PRELID2: variants seen among roughly 807,000 people sequenced by gnomAD.
PRELID2 encodes PRELI domain-containing protein 2.
Under a neutral mutation model 28.4 loss-of-function variants are expected in PRELID2, and 25 were observed. The ratio of observed to expected loss-of-function variants is 0.88; its 90% CI spans 0.64 to 1.23. The LOEUF (loss-of-function observed/expected upper bound fraction) is 1.23. PRELID2 is among the 50% of genes most tolerant of loss of function. The pLI is 0.00. For missense variants in PRELID2, 201 were observed against 214.4 expected, an observed-to-expected ratio of 0.94 and a Z score of 0.39; for synonymous variants, 76 against 71.6, an observed-to-expected ratio of 1.06 and a Z score of -0.31.
chr5:145,342,869 A>C, the PRELID2 span, among the ~76,000 whole-genome samples: 1 of 149,772 alleles, frequency 6.7e-6, no homozygotes, highest in Non-Finnish European at 1.5e-5. Context: ...AGCTATATTT[A>C]TATCAGATAA....
At chr5:145,306,907 C>T in the PRELID2 span, among the ~76,000 whole-genome samples, 1 of 152,094 alleles carries the variant, frequency 6.6e-6, no homozygotes, top group African/African-American at 2.4e-5. Flanking sequence ...TGATTCATCT[C>T]TTTATGTCTT....
intron 1 of PRELID2, among the ~76,000 whole-genome samples, chr5:145,477,274 C>T (rs1166054265): frequency 6.6e-6 from 1 of 152,192 alleles, no homozygotes; most frequent in Non-Finnish European, 1.5e-5. Flanking sequence ...CTCTGCTTCT[C>T]CCATCTCACT....
intron 1 of PRELID2, among the ~76,000 whole-genome samples, chr5:145,586,558 A>C (rs1299362968): frequency 2.0e-5 from 3 of 152,144 alleles, no homozygotes; most frequent in Non-Finnish European, 4.4e-5. Context: ...CTAACTTATT[A>C]GCTGTCAGCT....
intron 1 of PRELID2, among the ~76,000 whole-genome samples, chr5:145,748,902 T>A (rs982194411): frequency 6.6e-6 from 1 of 152,104 alleles, no homozygotes; most frequent in East Asian, 1.9e-4. Flanking sequence ...TAAATGGTGC[T>A]AGGAAAACTG....
chr5:145,368,084 A>G, the PRELID2 span, among the ~76,000 whole-genome samples: 7,317 of 151,932 alleles, frequency 0.048, 611 homozygotes, highest in African/African-American at 0.17. Flanking sequence ...AAATTTTATT[A>G]TTTGGTTATT....
the PRELID2 span, among the ~76,000 whole-genome samples, chr5:145,337,726 T>C: frequency 1.4e-4 from 4 of 29,248 alleles, no homozygotes; most frequent in South Asian, 1.8e-3. Context: ...TATATATATA[T>C]ATATACTCAC....
intron 1 of PRELID2, among the ~76,000 whole-genome samples, chr5:145,547,019 G>T (rs1020095057): frequency 6.6e-6 from 1 of 152,168 alleles, no homozygotes; most frequent in African/African-American, 2.4e-5. Context: ...CACGTGAAAT[G>T]CTTAGCACAA....
At chr5:145,285,617 G>C in the PRELID2 span, among the ~76,000 whole-genome samples, 2 of 152,130 alleles carry the variant, frequency 1.3e-5, no homozygotes, top group African/African-American at 4.8e-5. Flanking sequence ...ATATTGGCTA[G>C]AGCTCCAGCA....
At chr5:145,569,106 A>C (rs1752994995) in intron 1 of PRELID2, among the ~76,000 whole-genome samples, 1 of 152,224 alleles carries the variant, frequency 6.6e-6, no homozygotes. Context: ...ACCAGTTAAG[A>C]CCCATTGAGT....
rs754687781 is a variant in PRELID2, at chr5:145,794,663, G to A, written c.474+1779C>T. Among the ~76,000 whole-genome samples, 7 of 152,072 alleles carry A rather than the reference G, an allele frequency of 4.6e-5. No homozygotes were observed. In the South Asian group the frequency reaches 6.2e-4, roughly 14 times the overall value. On this transcript the variant is annotated intron_variant, in intron 5 of 6. Transcript: ENST00000683046. The stretch of plus-strand genomic sequence containing the variant: ...GCAGGGAAAGCAGTTACCACGTATC[G>A]GGTATGCTTATCTTTTAAGTCAAGT...
the PRELID2 span, among the ~76,000 whole-genome samples, chr5:145,421,732 T>C: frequency 3.5e-5 from 5 of 144,518 alleles, no homozygotes; most frequent in Non-Finnish European, 6.1e-5. Flanking sequence ...CTCTATTTCC[T>C]TCAGTTCTGC....
the PRELID2 span, among the ~76,000 whole-genome samples, chr5:145,375,475 C>T: frequency 2.0e-5 from 3 of 152,124 alleles, no homozygotes; most frequent in Non-Finnish European, 4.4e-5. Flanking sequence ...GAATAGGACC[C>T]GTTTAACGAA....
At chr5:145,668,460 T>C (rs912195524) in intron 1 of PRELID2, among the ~76,000 whole-genome samples, 3 of 151,724 alleles carry the variant, frequency 2.0e-5, no homozygotes, top group Non-Finnish European at 2.9e-5. Flanking sequence ...AAAAAGGCAG[T>C]ATAGCTGTTT....
Position 145,796,513 on chromosome 5 carries a change from T to G in PRELID2, c.403A>C (p.Thr135Pro), listed in dbSNP as rs558998286. The change falls in exon 5 of 7, where the codon ACA becomes CCA. Residue 135 changes from threonine to proline, a missense_variant. Transcript: ENST00000683046. The part of the protein sequence containing the change: ...EFIQRGRISI[T>P]GVGFLNCVLE... The stretch of plus-strand genomic sequence containing the variant: ...ACACAGTTGAGAAATCCAACCCCTG[T>G]GATTGAAATCCTGCCTCTTTGAATG... 6.2e-7 allele frequency: 1 copy of G among 1,609,240 alleles called. No homozygotes were observed. Among genetic ancestry groups the G allele is most frequent in the Non-Finnish European group, 8.5e-7 (1 of 1,177,346 alleles).
At chr5:145,725,650 G>A (rs1756125362) in intron 1 of PRELID2, among the ~76,000 whole-genome samples, 1 of 152,096 alleles carries the variant, frequency 6.6e-6, no homozygotes, top group Non-Finnish European at 1.5e-5. Context: ...ATCAGTGTAG[G>A]GAGGGTGGCC....
intron 1 of PRELID2, among the ~76,000 whole-genome samples, chr5:145,723,349 A>T (rs1756043613): frequency 6.6e-6 from 1 of 152,180 alleles, no homozygotes; most frequent in Admixed American, 6.5e-5. Flanking sequence ...CAAATATCCT[A>T]TTGGGTGCAC....
chr5:145,239,723 A>G, the PRELID2 span, among the ~76,000 whole-genome samples: 3 of 151,996 alleles, frequency 2.0e-5, no homozygotes, highest in Admixed American at 6.6e-5. Flanking sequence ...TTTTTAACCC[A>G]TAAGAGTCCT....
chr5:145,622,036 G>A (rs1435208144), intron 1 of PRELID2, among the ~76,000 whole-genome samples: 4 of 152,024 alleles, frequency 2.6e-5, no homozygotes, highest in African/African-American at 4.8e-5. Flanking sequence ...GATAAACCTG[G>A]AAAACATTAC....
the PRELID2 span, among the ~76,000 whole-genome samples, chr5:145,408,451 AAT>A: frequency 7.0e-6 from 1 of 143,746 alleles, no homozygotes; most frequent in Non-Finnish European, 1.5e-5. Flanking sequence ...ATATATGTAT[AAT>A]ATATATGTAT....
Sources: gnomAD v4.1 joint callset for allele counts (sites outside exome capture counted in the v4.1 genomes callset) on GRCh38, gnomAD v4.1.1 for gene constraint, MANE v1.5 for transcripts, NCBI Gene and HGNC (gene_info 2026-07-23, HGNC 2026-07-21) for gene names.